Variants in FLG observed in about 807,000 individuals in gnomAD.
The protein encoded by FLG is epidermal filaggrin.
Under a neutral mutation model 3.8 loss-of-function variants are expected in FLG, and 6 were observed. The observed-to-expected ratio is 1.60, with a 90% CI of 0.87 to 3.15. The LOEUF (loss-of-function observed/expected upper bound fraction) is 3.15, where lower values mean the gene tolerates loss of function less well. Among genes scored for constraint, FLG ranks in the 30% most tolerant of loss-of-function variants. The pLI, the probability that FLG is intolerant of heterozygous loss-of-function variation, is 0.00. For missense variants in FLG, 7,595 were observed against 5,050.9 expected, an observed-to-expected ratio of 1.50 and a Z score of -15.27; for synonymous variants, 2,551 against 1,931.6, an observed-to-expected ratio of 1.32 and a Z score of -8.41.
intron 1 of FLG, among the ~76,000 whole-genome samples, chr1:152,324,407 A>G (rs1356684439): frequency 2.0e-5 from 3 of 151,956 alleles, no homozygotes; most frequent in African/African-American, 7.2e-5. Context: ...TCTAAGGCAC[A>G]CTAGCTTCTT....
At chr1:152,317,254 C>T (rs115807046) in intron 1 of FLG, among the ~76,000 whole-genome samples, 2,208 of 152,140 alleles carry the variant, frequency 0.015, 55 homozygotes, top group African/African-American at 0.05. Flanking sequence ...CCACCCCACC[C>T]TCAATCTCAC....
Position 152,313,199 on chromosome 1 carries a change from C to A in FLG, c.1687G>T (p.Gly563Ter). 1 of 1,613,820 alleles carries A rather than the reference C, an allele frequency of 6.2e-7. No homozygotes were observed. Among genetic ancestry groups the A allele is most frequent in the South Asian group, 1.1e-5 (1 of 91,066 alleles). The change falls in exon 3 of 3, where the codon GGA becomes TGA. Residue 563 changes from glycine (G) to a stop codon, truncating the protein, a stop_gained. Transcript: ENST00000368799. LOFTEE classifies it low-confidence loss of function (END_TRUNC). ...GRSDASHGQS[G>*]SRSASRQTRN... ...GTTTGTCTGCTTGCACTTCTGGATC[C>A]TGACTGCCCATGGGAGGCATCAGAC... is the stretch of plus-strand genomic sequence containing the variant.
Position 152,307,282 on chromosome 1 carries a change from T to C in FLG, c.7604A>G (p.His2535Arg), listed in dbSNP as rs200863973. 3.7e-6 allele frequency: 6 copies of C among 1,613,126 alleles called. No individual in the cohort carries two copies. Among genetic ancestry groups the C allele is most frequent in the South Asian group, 1.1e-5 (1 of 91,052 alleles). ...DGSRHSGSRHHEASSRADSSG... is the reference protein window; with the variant it reads ...DGSRHSGSRHREASSRADSSG... ...GCTGTCGGCCCGAGAGGAAGCTTCA[T>C]GGTGACGCGACCCTGAGTGCCTGGA... Residue 2535 changes from histidine (H) to arginine (R), a missense_variant, in exon 3 of 3, where the codon CAT becomes CGT. By Grantham distance (29) the His-to-Arg change is conservative. Transcript: ENST00000368799.
In FLG at chr1:152,305,323, T is replaced by C; in HGVS notation, c.9563A>G (p.His3188Arg). 6.2e-7 allele frequency: 1 copy of C among 1,607,610 alleles called. No individual in the cohort carries two copies. The highest frequency in any genetic ancestry group is 8.5e-7 in the Non-Finnish European group (1 of 1,178,154). The change falls in exon 3 of 3, where the codon CAT becomes CGT. Residue 3188 changes from histidine to arginine, a missense_variant. By Grantham distance (29) the His-to-Arg change is conservative. Transcript: ENST00000368799. Reference sequence around the variant, plus strand: ...CTGTGAGTGTCTAGAGATGTCGGCATGAGTGGAAGCTTCATGGTGACGTGA... The same window carrying C: ...CTGTGAGTGTCTAGAGATGTCGGCACGAGTGGAAGCTTCATGGTGACGTGA... Reference protein sequence around the residue: ...SVSRHHEASTHADISRHSQAV... With the variant: ...SVSRHHEASTRADISRHSQAV...
rs149484917 is a variant in FLG at position 152,304,939 on chromosome 1, G to T, written c.9947C>A (p.Ser3316Ter). Reference sequence around the variant, plus strand: ...TGAAGCTTGTCCACGCGGAATGCCTGAGTGTCTGGAGCTGTCTGCTGACTG... The same window carrying T: ...TGAAGCTTGTCCACGCGGAATGCCTTAGTGTCTGGAGCTGTCTGCTGACTG... ...HQQSADSSRH[S>*]GIPRGQASSA... Residue 3316 changes from serine to a stop codon, truncating the protein, a stop_gained, in exon 3 of 3, where the codon TCA becomes TAA. Coordinates refer to ENST00000368799, the MANE Select transcript of FLG (RefSeq NM_002016.2). LOFTEE classifies it low-confidence loss of function (END_TRUNC). 2 of 1,613,870 alleles carry T rather than the reference G, an allele frequency of 1.2e-6. No homozygotes were observed. The highest frequency in any genetic ancestry group is 1.1e-5 in the South Asian group (1 of 91,026).
chr1:152,316,549 G>C (rs903941206), intron 1 of FLG, among the ~76,000 whole-genome samples: 4 of 151,854 alleles, frequency 2.6e-5, no homozygotes, highest in African/African-American at 9.7e-5. Context: ...ACCATATCTT[G>C]CCAGTTAAAA....
rs150580597 is a variant in FLG, at chr1:152,312,174, G to A, written c.2712C>T (p.Asp904=). 1,078 of 1,613,964 alleles carry A rather than the reference G, an allele frequency of 6.7e-4. 6 individuals are homozygous for A. Among genetic ancestry groups the A allele is most frequent in the Middle Eastern group, 1.5e-3 (9 of 6,062 alleles). The change falls in exon 3 of 3, where the codon GAC becomes GAT. Residue 904 remains aspartate (D), a synonymous_variant. Coordinates refer to ENST00000368799, the MANE Select transcript of FLG (RefSeq NM_002016.2). ...GACGTGACCCTGAGTGCCTGGAGCCGTCTCTTGATTGTTCCTCATTACGTG... is the reference window on the plus strand; with the variant it reads ...GACGTGACCCTGAGTGCCTGGAGCCATCTCTTGATTGTTCCTCATTACGTG... ...RTTRNEEQSR[D]GSRHSGSRHH...
Position 152,310,870 on chromosome 1 carries a change from T to A in FLG, c.4016A>T (p.His1339Leu). 6.2e-7 allele frequency: 1 copy of A among 1,613,780 alleles called. No homozygotes were observed. The change falls in exon 3 of 3, where the codon CAT becomes CTT. Residue 1339 changes from histidine to leucine, a missense_variant. His to Leu is a moderately conservative substitution (Grantham distance 99). Transcript: ENST00000368799. ...TTCATGGGATGACACAGCCTGTCCATGAGAGGAAGACTCTGTGTGATGAGT... is the reference window on the plus strand; with the variant it reads ...TTCATGGGATGACACAGCCTGTCCAAGAGAGGAAGACTCTGTGTGATGAGT... Reference protein sequence around the residue: ...SGTHHTESSSHGQAVSSHEQA... With the variant: ...SGTHHTESSSLGQAVSSHEQA...
rs1279259149 is a variant in FLG at position 152,313,756 on chromosome 1, C to G, written c.1130G>C (p.Arg377Thr). The change falls in exon 3 of 3, where the codon AGA becomes ACA. Residue 377 changes from arginine (R) to threonine (T), a missense_variant. Coordinates refer to ENST00000368799, the MANE Select transcript of FLG (RefSeq NM_002016.2). Reference protein sequence around the residue: ...GQTASSHEQARSSPGERHGSG... With the variant: ...GQTASSHEQATSSPGERHGSG... Reference sequence around the variant, plus strand: ...TCCATGTCTTTCTCCTGGACTTGATCTTGCCTGTTCATGGGATGATGCAGT... The same window carrying G: ...TCCATGTCTTTCTCCTGGACTTGATGTTGCCTGTTCATGGGATGATGCAGT... 1 of 1,614,090 alleles carries G rather than the reference C, an allele frequency of 6.2e-7. No homozygotes were observed. The highest frequency in any genetic ancestry group is 8.5e-7 in the Non-Finnish European group (1 of 1,179,972).
chr1:152,315,597 G>A, intron 1 of FLG, 120 bp from the exon 2 acceptor site: 1 of 710,974 alleles, frequency 1.4e-6, no homozygotes, highest in East Asian at 2.9e-5. Flanking sequence ...CTTTAAGAAT[G>A]GAAGATGGAC....
rs760688738 is a variant in FLG at position 152,309,947 on chromosome 1, C to G, written c.4939G>C (p.Ala1647Pro). The G allele has an allele frequency of 6.2e-7, 1 of 1,614,008 alleles. No individual in the cohort carries two copies. The highest frequency in any genetic ancestry group is 8.5e-7 in the Non-Finnish European group (1 of 1,180,028). Residue 1647 changes from alanine to proline, a missense_variant, in exon 3 of 3, where the codon GCA becomes CCA. Ala to Pro is a conservative substitution (Grantham distance 27). Transcript: ENST00000368799. ...GTGCCTGATTGTCTGGAGCTCTCTG[C>G]AGAGTGCCCATGACTGGCTCTATCT... ...QEDRASHGHS[A>P]ESSRQSGTRH...
chr1:152,308,450 T>C lies in FLG; in HGVS notation c.6436A>G (p.Arg2146Gly). Residue 2146 changes from arginine to glycine, a missense_variant, in exon 3 of 3, where the codon AGA becomes GGA. Arg to Gly is a moderately radical substitution (Grantham distance 125). Coordinates refer to ENST00000368799, the MANE Select transcript of FLG (RefSeq NM_002016.2). ...TGGTGGGACCCCTGTCTTCCTCCTCTGCTTGGCCCCGGGTGTCCACGAATG... is the reference window on the plus strand; with the variant it reads ...TGGTGGGACCCCTGTCTTCCTCCTCCGCTTGGCCCCGGGTGTCCACGAATG... ...DTIRGHPGPSRGGRQGSHQEQ... is the reference protein window; with the variant it reads ...DTIRGHPGPSGGGRQGSHQEQ... 6.2e-7 allele frequency: 1 copy of C among 1,613,840 alleles called. No individual in the cohort carries two copies. Among genetic ancestry groups the C allele is most frequent in the Non-Finnish European group, 8.5e-7 (1 of 1,179,874 alleles).
rs768132030 is a variant in FLG at position 152,311,712 on chromosome 1, G to T, written c.3174C>A (p.Val1058=). ...TGGACCCCCAGTGTCCACTGTCTCT[G>T]ACTGCAGATGAAGCTTGTCTGCGCG... The part of the protein sequence containing the change: ...GIPRRQASSA[V]RDSGHWGSSG... The change falls in exon 3 of 3, where the codon GTC becomes GTA. Residue 1058 remains valine, a synonymous_variant. Coordinates refer to ENST00000368799, the MANE Select transcript of FLG (RefSeq NM_002016.2). 1.2e-6 allele frequency: 2 copies of T among 1,614,062 alleles called. No individual in the cohort carries two copies. Among genetic ancestry groups the T allele is most frequent in the Non-Finnish European group, 8.5e-7 (1 of 1,180,010 alleles).
Position 152,312,629 on chromosome 1 carries a change from G to A in FLG, c.2257C>T (p.His753Tyr), listed in dbSNP as rs1378842747. ...SGSQATDSEG[H>Y]SEDSDTQSVS... is the part of the protein sequence containing the mutation. Reference sequence around the variant, plus strand: ...GACTGTGTGTCTGAGTCTTCTGAATGTCCCTCACTGTCAGTGGCCTGACTA... The same window carrying A: ...GACTGTGTGTCTGAGTCTTCTGAATATCCCTCACTGTCAGTGGCCTGACTA... The change falls in exon 3 of 3, where the codon CAT becomes TAT. Residue 753 changes from histidine to tyrosine, a missense_variant. Coordinates refer to ENST00000368799, the MANE Select transcript of FLG (RefSeq NM_002016.2). 1 of 1,613,738 alleles carries A rather than the reference G, an allele frequency of 6.2e-7. No individual in the cohort carries two copies. Among genetic ancestry groups the A allele is most frequent in the Non-Finnish European group, 8.5e-7 (1 of 1,179,986 alleles).
Position 152,307,805 on chromosome 1 carries a change from G to T in FLG, c.7081C>A (p.Arg2361=), listed in dbSNP as rs528961889. 6 of 1,613,090 alleles carry T rather than the reference G, an allele frequency of 3.7e-6. No homozygotes were observed. The East Asian group carries it at 8.9e-5, about 24-fold the overall frequency. The change falls in exon 3 of 3, where the codon CGA becomes AGA. Residue 2361 remains arginine, a synonymous_variant. Coordinates refer to ENST00000368799, the MANE Select transcript of FLG (RefSeq NM_002016.2). The part of the protein sequence containing the change: ...ASSAVRDSGH[R]GSSGSQASDS... ...CTGGCCTGACTACCACTGGACCCTC[G>T]GTGTCCACTGTCTCTGACTGCAGAT... is the stretch of plus-strand genomic sequence containing the variant.
chr1:152,310,219 T>A lies in FLG; in HGVS notation c.4667A>T (p.His1556Leu), dbSNP rs61217139. Residue 1556 changes from histidine (H) to leucine (L), a missense_variant, in exon 3 of 3, where the codon CAC becomes CTC. Transcript: ENST00000368799. Reference protein sequence around the residue: ...NEEQSGDGSRHSGSRHHEPST... With the variant: ...NEEQSGDGSRLSGSRHHEPST... ...AGGTTCATGGTGACGTGACCCTGAG[T>A]GCCTGGAGCCGTCTCCTGATTGTTC... 4 of 1,613,802 alleles carry A rather than the reference T, an allele frequency of 2.5e-6. No homozygotes were observed. In the African/African-American group the frequency reaches 5.3e-5, roughly 22 times the overall value.
chr1:152,310,019 G>T lies in FLG; in HGVS notation c.4867C>A (p.Arg1623=), dbSNP rs78982044. The change falls in exon 3 of 3, where the codon CGG becomes AGG. Residue 1623 remains arginine (R), a synonymous_variant. Transcript: ENST00000368799. ...CTGGAGCCATGTCTTGACTGCTCCC[G>T]AGCAGATCCATAATGGTTTCTGGAA... The part of the protein sequence containing the change: ...SASRNHYGSA[R]EQSRHGSRNP... The T allele has an allele frequency of 2.2e-5, 36 of 1,613,744 alleles. No individual in the cohort carries two copies. The highest frequency in any genetic ancestry group is 2.8e-5 in the Non-Finnish European group (33 of 1,179,968).
intron 1 of FLG, among the ~76,000 whole-genome samples, chr1:152,323,239 T>C (rs1384271213): frequency 6.6e-6 from 1 of 151,204 alleles, no homozygotes; most frequent in African/African-American, 2.4e-5. Context: ...GACCTCGGGG[T>C]GGGGAAATAC....
At position 152,303,416 on chromosome 1, in the gene FLG, T is replaced by G; in HGVS notation, c.11470A>C (p.Arg3824=). ...TCATGGTGACGCGACCCTGAGTGCC[T>G]GGAGCCGTCTCCTGACTGTTCCTCA... is the stretch of plus-strand genomic sequence containing the variant. ...RNEEQSGDGS[R]HSGSRHHEAS... The change falls in exon 3 of 3, where the codon AGG becomes CGG. Residue 3824 remains arginine (R), a synonymous_variant. Transcript: ENST00000368799. 1 of 1,614,150 alleles carries G rather than the reference T, an allele frequency of 6.2e-7. No homozygotes were observed. The highest frequency in any genetic ancestry group is 8.5e-7 in the Non-Finnish European group (1 of 1,180,022).
Sources: allele counts gnomAD v4.1 joint callset (sites outside exome capture counted in the v4.1 genomes callset), GRCh38; gene constraint gnomAD v4.1.1; transcripts MANE v1.5; gene names NCBI Gene and HGNC (gene_info 2026-07-23, HGNC 2026-07-21).